The following DPYD variants were observed in gnomAD, a reference collection of about 807,000 sequenced individuals.
DPYD encodes dihydropyrimidine dehydrogenase.
Under a neutral mutation model 116.2 loss-of-function variants are expected in DPYD, and 109 were observed. The ratio of observed to expected loss-of-function variants is 0.94; its 90% CI spans 0.80 to 1.10. DPYD has a LOEUF of 1.10. Among genes scored for constraint, DPYD ranks in the 50% least tolerant of loss-of-function variants. The pLI is 0.00. For missense variants in DPYD, 1,302 were observed against 1,254.5 expected, an observed-to-expected ratio of 1.04 and a Z score of -0.57; for synonymous variants, 440 against 432.0, an observed-to-expected ratio of 1.02 and a Z score of -0.23.
At chr1:97,660,121 T>G (rs1659166178) in intron 8 of DPYD, among the ~76,000 whole-genome samples, 1 of 152,154 alleles carries the variant, frequency 6.6e-6, no homozygotes, top group African/African-American at 2.4e-5. Context: ...CTTGTCACAA[T>G]AATTTACTAA....
At chr1:97,755,474 A>C (rs1665177596) in intron 3 of DPYD, among the ~76,000 whole-genome samples, 1 of 152,162 alleles carries the variant, frequency 6.6e-6, no homozygotes, top group South Asian at 2.1e-4. Context: ...AACTTGTTGC[A>C]TGTAAGCATG....
chr1:97,402,379 C>T (rs937677671), intron 14 of DPYD, among the ~76,000 whole-genome samples: 2 of 152,012 alleles, frequency 1.3e-5, no homozygotes, highest in Non-Finnish European at 2.9e-5. Flanking sequence ...TGTTTTGATT[C>T]TAATGTAAAT....
At chr1:97,309,220 A>G (rs913453493) in intron 16 of DPYD, among the ~76,000 whole-genome samples, 1 of 151,834 alleles carries the variant, frequency 6.6e-6, no homozygotes, top group Non-Finnish European at 1.5e-5. Flanking sequence ...AAAAATGTCT[A>G]ATACACAAAA....
chr1:97,550,715 A>G (rs930203625), intron 11 of DPYD, among the ~76,000 whole-genome samples: 2 of 152,170 alleles, frequency 1.3e-5, no homozygotes, highest in African/African-American at 4.8e-5. Context: ...CCAACTCCAA[A>G]GAGAAAATAT....
chr1:97,713,569 G>T (rs1470849647), intron 5 of DPYD, among the ~76,000 whole-genome samples: 2 of 152,090 alleles, frequency 1.3e-5, no homozygotes, highest in Non-Finnish European at 2.9e-5. Flanking sequence ...AAGAATGTCA[G>T]ATATTTAGTG....
intron 2 of DPYD, among the ~76,000 whole-genome samples, chr1:97,874,860 G>A (rs534135906): frequency 6.6e-6 from 1 of 151,936 alleles, no homozygotes; most frequent in African/African-American, 2.4e-5. Flanking sequence ...AGATTTTTAA[G>A]ATATGTTATT....
Position 97,580,284 on chromosome 1 carries a change from T to C in DPYD, c.1129-6314A>G, listed in dbSNP as rs1316212184. ...TAATACTAATTGACCATTTATCCATTCTATATGAACACAAAAACCTAAAAA... is the reference window on the plus strand; with the variant it reads ...TAATACTAATTGACCATTTATCCATCCTATATGAACACAAAAACCTAAAAA... On this transcript the variant is annotated intron_variant, in intron 10 of 22. Coordinates refer to ENST00000370192, the MANE Select transcript of DPYD (RefSeq NM_000110.4). Among the ~76,000 whole-genome samples, 7 of 152,234 alleles carry C rather than the reference T, an allele frequency of 4.6e-5. No homozygotes were observed. In the East Asian group the frequency reaches 1.3e-3, roughly 29 times the overall value.
intron 14 of DPYD, among the ~76,000 whole-genome samples, chr1:97,411,751 A>T (rs1173878936): frequency 6.6e-6 from 1 of 152,148 alleles, no homozygotes; most frequent in African/African-American, 2.4e-5. Context: ...TCTCAGAAGC[A>T]TGACAAAGTG....
chr1:97,422,123 G>A (rs1674619731), intron 14 of DPYD, among the ~76,000 whole-genome samples: 1 of 152,054 alleles, frequency 6.6e-6, no homozygotes, highest in Non-Finnish European at 1.5e-5. Flanking sequence ...AAAAAGCAAA[G>A]ACCTAACAAT....
chr1:97,623,986 T>C (rs1656781095), intron 8 of DPYD, among the ~76,000 whole-genome samples: 1 of 151,950 alleles, frequency 6.6e-6, no homozygotes, highest in South Asian at 2.1e-4. Flanking sequence ...CAAAATGTAC[T>C]AAATACTGAA....
intron 8 of DPYD, among the ~76,000 whole-genome samples, chr1:97,671,050 A>G (rs896436311): frequency 2.0e-5 from 3 of 152,114 alleles, no homozygotes; most frequent in Non-Finnish European, 2.9e-5. Context: ...AAATATTTTA[A>G]AATATAATTT....
intron 3 of DPYD, among the ~76,000 whole-genome samples, chr1:97,801,594 T>C (rs751118835): frequency 6.6e-6 from 1 of 151,932 alleles, no homozygotes; most frequent in Non-Finnish European, 1.5e-5. Flanking sequence ...ATTCCAATTT[T>C]ATATGGTAGC....
chr1:97,593,140 G>C (rs1406412762), intron 10 of DPYD, 78 bp downstream of exon 10: 2 of 1,508,516 alleles, frequency 1.3e-6, no homozygotes, highest in Admixed American at 1.7e-5. Flanking sequence ...CAACATTCTA[G>C]CGATTTAAAC....
intron 14 of DPYD, among the ~76,000 whole-genome samples, chr1:97,411,328 ATCAAG>A (rs1673980985): frequency 6.6e-6 from 1 of 152,138 alleles, no homozygotes; most frequent in Non-Finnish European, 1.5e-5. Context: ...TCCTGCACAA[ATCAAG>A]TCAACTTCAC....
At chr1:97,174,684 T>C (rs1657122808) in intron 20 of DPYD, among the ~76,000 whole-genome samples, 1 of 152,226 alleles carries the variant, frequency 6.6e-6, no homozygotes, top group African/African-American at 2.4e-5. Flanking sequence ...TTATATGATA[T>C]ATCTTATTTT....
chr1:97,132,279 A>G (rs567610740), intron 20 of DPYD, among the ~76,000 whole-genome samples: 18 of 152,224 alleles, frequency 1.2e-4, no homozygotes, highest in African/African-American at 4.3e-4. Flanking sequence ...GTTACTAATA[A>G]TAAAATTTTA....
chr1:97,171,266 C>T (rs1656706877), intron 20 of DPYD, among the ~76,000 whole-genome samples: 2 of 152,138 alleles, frequency 1.3e-5, no homozygotes, highest in Admixed American at 6.6e-5. Flanking sequence ...GGTGGCATGC[C>T]TGCAAAAGCA....
chr1:97,602,545 A>G (rs918313935), intron 8 of DPYD, among the ~76,000 whole-genome samples: 1 of 152,004 alleles, frequency 6.6e-6, no homozygotes, highest in East Asian at 1.9e-4. Context: ...TACAAACACA[A>G]TGAGAATATG....
intron 20 of DPYD, among the ~76,000 whole-genome samples, chr1:97,102,866 A>G (rs1362151001): frequency 6.6e-6 from 1 of 152,062 alleles, no homozygotes; most frequent in East Asian, 1.9e-4. Flanking sequence ...ATAATATGCC[A>G]GACTCCTTGG....
Sources: gnomAD v4.1 joint callset for allele counts (sites outside exome capture counted in the v4.1 genomes callset) on GRCh38, gnomAD v4.1.1 for gene constraint, MANE v1.5 for transcripts, NCBI Gene and HGNC (gene_info 2026-07-23, HGNC 2026-07-21) for gene names.